The following CCDC158 variants were observed in gnomAD, a reference collection of about 807,000 sequenced individuals.
CCDC158 encodes coiled-coil domain containing 158.
Under a neutral mutation model 138.6 loss-of-function variants are expected in CCDC158, and 116 were observed. The observed-to-expected ratio is 0.84, with a 90% confidence interval of 0.72 to 0.98. The LOEUF (loss-of-function observed/expected upper bound fraction) is 0.98. CCDC158 is among the 50% of genes least tolerant of loss of function. The probability of loss-of-function intolerance (pLI) is 0.00; values close to 1 mark genes in which losing one functional copy is unlikely to be tolerated. For missense variants in CCDC158, 1,265 were observed against 1,306.1 expected (o/e 0.97, Z 0.48); for synonymous variants, 436 against 442.4 (o/e 0.99, Z 0.18).
intron 1 of CCDC158, among the ~76,000 whole-genome samples, chr4:76,413,855 C>A (rs1729488156): frequency 6.6e-6 from 1 of 152,252 alleles, no homozygotes; most frequent in Non-Finnish European, 1.5e-5. Flanking sequence ...AGGAACAATT[C>A]TAAACTGCTT....
Position 76,313,065 on chromosome 4 carries a change from T to C in CCDC158, c.*105A>G. The C allele has an allele frequency of 1.6e-6, 1 of 636,636 alleles. No homozygotes were observed. The highest frequency in any genetic ancestry group is 2.7e-6 in the Non-Finnish European group (1 of 373,996). The allele number at this position is 636,636 out of a possible 1,614,324, so 39.4% of individuals were successfully genotyped here. On this transcript the variant is annotated 3_prime_UTR_variant, in exon 25 of 25. Transcript: ENST00000682701. ...AGAGTTTACAAGACAGGGTATCTTT[T>C]ATTAAATTTTCACATAAAAAGAAAA...
At chr4:76,377,074 T>G (rs1275954808) in intron 9 of CCDC158, among the ~76,000 whole-genome samples, 2 of 152,230 alleles carry the variant, frequency 1.3e-5, no homozygotes, top group Non-Finnish European at 2.9e-5. Context: ...TTATAAAAAC[T>G]TAGAAATTCT....
intron 2 of CCDC158, among the ~76,000 whole-genome samples, chr4:76,405,414 T>TGG (rs751105072): frequency 6.6e-6 from 1 of 152,170 alleles, no homozygotes; most frequent in Non-Finnish European, 1.5e-5. Context: ...AGAAGACCAC[T>TGG]GTAAAATGTG....
chr4:76,418,615 C>G (rs1021774424), intron 1 of CCDC158, among the ~76,000 whole-genome samples: 8 of 152,094 alleles, frequency 5.3e-5, no homozygotes, highest in African/African-American at 1.7e-4. Context: ...TCTTATGTGG[C>G]GGCAGGCAAG....
At chr4:76,329,241 G>C (rs544648501) in intron 21 of CCDC158, among the ~76,000 whole-genome samples, 2 of 152,028 alleles carry the variant, frequency 1.3e-5, no homozygotes, top group Non-Finnish European at 1.5e-5. Flanking sequence ...TAAAATCCAC[G>C]TCATCTGTTC....
intron 18 of CCDC158, among the ~76,000 whole-genome samples, chr4:76,349,206 T>C (rs905490209): frequency 2.0e-5 from 3 of 152,224 alleles, no homozygotes; most frequent in African/African-American, 7.2e-5. Flanking sequence ...TAGACACTGT[T>C]ATAGGTACTT....
At position 76,367,337 on chromosome 4, in the gene CCDC158, T is replaced by C. The variant is rs764718117; in HGVS notation, c.1787A>G (p.Glu596Gly). ...GAMQVEKAQLEKEINDRRMEL... is the reference protein window; with the variant it reads ...GAMQVEKAQLGKEINDRRMEL... ...CATCCGCCTATCATTAATTTCTTTC[T>C]CCAGTTGAGCTTTTTCTACTTGCAT... The change falls in exon 12 of 25, where the codon GAG (glutamate) becomes GGG (glycine). Residue 596 changes from glutamate to glycine, a missense_variant. Coordinates refer to ENST00000682701, the MANE Select transcript of CCDC158 (RefSeq NM_001394954.1). 6.2e-7 allele frequency: 1 copy of C among 1,613,600 alleles called. No individual in the cohort carries two copies. The highest frequency in any genetic ancestry group is 1.1e-5 in the South Asian group (1 of 91,054).
intron 16 of CCDC158, chr4:76,352,888 G>C (rs1042440586): frequency 2.6e-6 from 1 of 388,946 alleles, no homozygotes; most frequent in African/African-American, 2.1e-5. Flanking sequence ...CTGCTCCTGT[G>C]ACTATGTTAG....
intron 14 of CCDC158, among the ~76,000 whole-genome samples, chr4:76,356,423 T>C (rs557231037): frequency 3.3e-5 from 5 of 152,290 alleles, no homozygotes; most frequent in Non-Finnish European, 4.4e-5. Flanking sequence ...AGAATTTGAA[T>C]GAGAACACAA....
At chr4:76,352,115 C>A (rs1267740037) in intron 16 of CCDC158, 1 of 192,510 alleles carries the variant, frequency 5.2e-6, no homozygotes, top group Non-Finnish European at 1.1e-5. Context: ...ATTAAAATAA[C>A]CATAACTGGC....
At position 76,411,907 on chromosome 4, in the gene CCDC158, A is replaced by G. The variant is rs114759691; in HGVS notation, c.-74+183T>C. Among the ~76,000 whole-genome samples the G allele has an allele frequency of 5.0e-3, 755 of 152,356 alleles. 7 individuals are homozygous for G. Among genetic ancestry groups the G allele is most frequent in the African/African-American group, 0.017 (724 of 41,574 alleles). ...TGAACATAGTCTGAAAACCACAAAGATAAAGCTCTTGCAGCTTTTATATTG... is the reference window on the plus strand; with the variant it reads ...TGAACATAGTCTGAAAACCACAAAGGTAAAGCTCTTGCAGCTTTTATATTG... On this transcript the variant is annotated intron_variant, in intron 2 of 24. Coordinates refer to ENST00000682701, the MANE Select transcript of CCDC158 (RefSeq NM_001394954.1).
intron 12 of CCDC158, among the ~76,000 whole-genome samples, chr4:76,365,776 C>T (rs62303261): frequency 0.22 from 33,390 of 152,062 alleles, 3,904 homozygotes; most frequent in Middle Eastern, 0.29. Context: ...TTCAGAAACA[C>T]CAAATCTCAC....
At chr4:76,336,965 A>C (rs1398353010) in intron 18 of CCDC158, among the ~76,000 whole-genome samples, 3 of 152,092 alleles carry the variant, frequency 2.0e-5, no homozygotes, top group Non-Finnish European at 4.4e-5. Flanking sequence ...TTGGGTATTC[A>C]CTACAACAAT....
At chr4:76,382,176 TTC>T (rs140438160) in intron 8 of CCDC158, among the ~76,000 whole-genome samples, 1 of 151,688 alleles carries the variant, frequency 6.6e-6, no homozygotes. Context: ...CACATCCCCA[TTC>T]TCTCTCTCTC....
chr4:76,337,747 A>G (rs982924423), intron 18 of CCDC158, among the ~76,000 whole-genome samples: 5 of 152,080 alleles, frequency 3.3e-5, no homozygotes, highest in Non-Finnish European at 7.4e-5. Flanking sequence ...AAAAAAAAAA[A>G]GAAGAAAATA....
intron 3 of CCDC158, among the ~76,000 whole-genome samples, chr4:76,399,384 T>C (rs985659831): frequency 4.6e-5 from 7 of 152,120 alleles, no homozygotes; most frequent in Admixed American, 2.0e-4. Flanking sequence ...GATGGGTTGA[T>C]AGGTGCGGCA....
At chr4:76,365,602 A>C (rs891343440) in intron 12 of CCDC158, among the ~76,000 whole-genome samples, 1 of 152,114 alleles carries the variant, frequency 6.6e-6, no homozygotes, top group Non-Finnish European at 1.5e-5. Context: ...TTGGAATGCC[A>C]TCCTTCCTTC....
intron 9 of CCDC158, 113 bp from the exon 10 acceptor site, chr4:76,371,649 G>A (rs1033512392): frequency 1.8e-5 from 24 of 1,308,078 alleles, no homozygotes; most frequent in African/African-American, 3.0e-5. Context: ...ATAAAAGTTC[G>A]TTGTGAGGCT....
At chr4:76,347,980 A>G (rs938588743) in intron 18 of CCDC158, among the ~76,000 whole-genome samples, 2 of 152,108 alleles carry the variant, frequency 1.3e-5, no homozygotes, top group Admixed American at 6.6e-5. Context: ...CAACAACAGA[A>G]ATTTACTGTT....
Sources: allele counts gnomAD v4.1 joint callset (sites outside exome capture counted in the v4.1 genomes callset), GRCh38; gene constraint gnomAD v4.1.1; transcripts MANE v1.5; gene names NCBI Gene and HGNC (gene_info 2026-07-23, HGNC 2026-07-21).